The following KCNJ3 variants were observed in gnomAD, a reference collection of about 807,000 sequenced individuals.
KCNJ3 encodes the protein potassium inwardly rectifying channel subfamily J member 3.
KCNJ3 carries 4 observed loss-of-function variants against 39.2 expected under a neutral mutation model. The ratio of observed to expected loss-of-function variants is 0.10; its 90% CI spans 0.05 to 0.23. The LOEUF (loss-of-function observed/expected upper bound fraction) is 0.23. Ranked by LOEUF, KCNJ3 falls within the 10% of genes least tolerant of loss-of-function variation. KCNJ3 has a pLI of 1.00. For missense variants in KCNJ3, 276 were observed against 634.9 expected (o/e 0.43, Z 6.08); for synonymous variants, 230 against 237.4 (o/e 0.97, Z 0.29).
Position 154,842,904 on chromosome 2 carries a change from G to A in KCNJ3, c.920-11823G>A, listed in dbSNP as rs536993083. ...GACTCTTTATCCAACTTGCCGGTCT[G>A]TATCTTTTAATTGGAACATTTAGCC... On this transcript the variant is annotated intron_variant, in intron 2 of 2. Coordinates refer to ENST00000295101, the MANE Select transcript of KCNJ3 (RefSeq NM_002239.4). Among the ~76,000 whole-genome samples, 232 of 152,182 alleles carry A rather than the reference G, an allele frequency of 1.5e-3. 2 individuals carry two copies. Among genetic ancestry groups the A allele is most frequent in the Admixed American group, 3.8e-3 (58 of 15,298 alleles).
chr2:154,772,085 G>C (rs1171359884), intron 2 of KCNJ3, among the ~76,000 whole-genome samples: 1 of 152,150 alleles, frequency 6.6e-6, no homozygotes, highest in Non-Finnish European at 1.5e-5. Flanking sequence ...TTGTCAAGAT[G>C]CTAAAAATAC....
chr2:154,810,284 G>T (rs116635084), intron 2 of KCNJ3, among the ~76,000 whole-genome samples: 4 of 151,926 alleles, frequency 2.6e-5, no homozygotes, highest in Non-Finnish European at 5.9e-5. Flanking sequence ...GGATTTCACC[G>T]TGTTGTCCAG....
At chr2:154,711,442 T>C (rs1685100793) in intron 2 of KCNJ3, among the ~76,000 whole-genome samples, 1 of 152,154 alleles carries the variant, frequency 6.6e-6, no homozygotes, top group Non-Finnish European at 1.5e-5. Context: ...TTTGCTTCAC[T>C]TGACAGCCTT....
At chr2:154,758,776 T>A (rs569676477) in intron 2 of KCNJ3, among the ~76,000 whole-genome samples, 59 of 152,286 alleles carry the variant, frequency 3.9e-4, no homozygotes, top group African/African-American at 1.3e-3. Context: ...TTGAAAAAAT[T>A]GTGACTTGAA....
chr2:154,739,593 T>C (rs139793219), intron 2 of KCNJ3, among the ~76,000 whole-genome samples: 15 of 152,200 alleles, frequency 9.9e-5, no homozygotes, highest in African/African-American at 2.9e-4. Context: ...CCAACCTTCA[T>C]CCTATCTTGG....
At chr2:154,770,871 A>AT (rs1287012972) in intron 2 of KCNJ3, among the ~76,000 whole-genome samples, 2 of 145,898 alleles carry the variant, frequency 1.4e-5, no homozygotes, top group African/African-American at 5.0e-5. Flanking sequence ...AAGTCTCAAG[A>AT]TTTTTTTCTT....
At chr2:154,726,836 T>G (rs200801635) in intron 2 of KCNJ3, among the ~76,000 whole-genome samples, 2 of 87,742 alleles carry the variant, frequency 2.3e-5, no homozygotes, top group East Asian at 3.9e-4. Context: ...CACACACACA[T>G]ACACCATGGA....
intron 2 of KCNJ3, among the ~76,000 whole-genome samples, chr2:154,784,412 C>G (rs1434204397): frequency 2.0e-5 from 3 of 152,194 alleles, no homozygotes; most frequent in Admixed American, 2.0e-4. Flanking sequence ...GAGTCTCGCT[C>G]TGTAGCCCAG....
chr2:154,823,314 G>A (rs775285505), intron 2 of KCNJ3, among the ~76,000 whole-genome samples: 12 of 151,538 alleles, frequency 7.9e-5, no homozygotes, highest in Non-Finnish European at 1.8e-4. Context: ...AATTAGAAGG[G>A]CAGAAGGAGA....
intron 2 of KCNJ3, among the ~76,000 whole-genome samples, chr2:154,813,281 G>A (rs527667886): frequency 2.6e-5 from 4 of 152,124 alleles, no homozygotes; most frequent in South Asian, 2.1e-4. Flanking sequence ...GAAGCTCTGC[G>A]AAGCTTCTGT....
intron 2 of KCNJ3, among the ~76,000 whole-genome samples, chr2:154,852,933 A>G (rs1264940557): frequency 1.3e-5 from 2 of 152,126 alleles, no homozygotes; most frequent in African/African-American, 4.8e-5. Flanking sequence ...TTCATAACTA[A>G]AATATTAGAG....
At chr2:154,721,513 C>A (rs1445305845) in intron 2 of KCNJ3, among the ~76,000 whole-genome samples, 1 of 152,104 alleles carries the variant, frequency 6.6e-6, no homozygotes, top group African/African-American at 2.4e-5. Flanking sequence ...ATCATTTAAT[C>A]ATATCTGCTT....
intron 2 of KCNJ3, among the ~76,000 whole-genome samples, chr2:154,764,826 T>C (rs1174253492): frequency 6.6e-6 from 1 of 152,198 alleles, no homozygotes; most frequent in East Asian, 1.9e-4. Context: ...TGGACAAGCT[T>C]GTTATCCTCC....
At chr2:154,749,410 T>C (rs1679744040) in intron 2 of KCNJ3, among the ~76,000 whole-genome samples, 1 of 152,092 alleles carries the variant, frequency 6.6e-6, no homozygotes, top group Non-Finnish European at 1.5e-5. Flanking sequence ...GTCCTTAGGA[T>C]GGTAATCTAG....
At chr2:154,718,987 T>C (rs1438174425) in intron 2 of KCNJ3, among the ~76,000 whole-genome samples, 1 of 152,114 alleles carries the variant, frequency 6.6e-6, no homozygotes, top group Non-Finnish European at 1.5e-5. Flanking sequence ...CAGATTTGGT[T>C]AAGATGCGTC....
At chr2:154,839,194 G>GTGTT (rs1429108161) in intron 2 of KCNJ3, among the ~76,000 whole-genome samples, 3 of 152,184 alleles carry the variant, frequency 2.0e-5, no homozygotes, top group African/African-American at 7.2e-5. Context: ...AGAACATGCG[G>GTGTT]TGTTTGGTTT....
intron 2 of KCNJ3, among the ~76,000 whole-genome samples, chr2:154,800,621 A>C (rs1247820250): frequency 2.6e-5 from 4 of 151,848 alleles, no homozygotes; most frequent in Non-Finnish European, 4.4e-5. Context: ...AATGTTTTGC[A>C]TTTTTTCTTA....
At chr2:154,728,830 T>C (rs1685403431) in intron 2 of KCNJ3, among the ~76,000 whole-genome samples, 1 of 152,056 alleles carries the variant, frequency 6.6e-6, no homozygotes, top group Non-Finnish European at 1.5e-5. Context: ...ATATGTAAAA[T>C]GAAGGTAGAA....
chr2:154,715,603 CA>C (rs1685168749), intron 2 of KCNJ3, among the ~76,000 whole-genome samples: 4 of 152,146 alleles, frequency 2.6e-5, no homozygotes, highest in Admixed American at 2.6e-4. Flanking sequence ...TACAAATATG[CA>C]AAATATAAAA....
Sources: gnomAD v4.1 joint callset for allele counts (sites outside exome capture counted in the v4.1 genomes callset) on GRCh38, gnomAD v4.1.1 for gene constraint, MANE v1.5 for transcripts, NCBI Gene and HGNC (gene_info 2026-07-23, HGNC 2026-07-21) for gene names.